Variants in TOM1L1 observed in about 807,000 individuals in gnomAD.
The protein encoded by TOM1L1 is TOM1-like protein 1.
A neutral mutation model predicts 63.4 loss-of-function variants in TOM1L1; 64 were observed. That is an observed-to-expected ratio of 1.01 (90% CI 0.83 to 1.24). TOM1L1 has a LOEUF of 1.24. Ranked by LOEUF, TOM1L1 falls within the 50% of genes most tolerant of loss-of-function variation. The pLI, the probability that TOM1L1 is intolerant of heterozygous loss-of-function variation, is 0.00. For missense variants in TOM1L1, 536 were observed against 567.0 expected (o/e 0.95, Z 0.55); for synonymous variants, 166 against 194.4 (o/e 0.85, Z 1.22).
chr17:54,960,476 C>G (rs974496987), intron 14 of TOM1L1, 90 bp from the exon 15 acceptor site: 1 of 933,430 alleles, frequency 1.1e-6, no homozygotes, highest in South Asian at 1.3e-5. Flanking sequence ...AAAACCAGCT[C>G]AATTTTTAAT....
intron 11 of TOM1L1, among the ~76,000 whole-genome samples, chr17:54,943,944 C>T (rs1048411652): frequency 1.3e-5 from 2 of 151,510 alleles, no homozygotes; most frequent in Admixed American, 6.6e-5. Flanking sequence ...AGCCACTGCA[C>T]TCCAGCCTGA....
At chr17:54,906,574 C>A (rs376603833) in intron 3 of TOM1L1, among the ~76,000 whole-genome samples, 46 of 152,156 alleles carry the variant, frequency 3.0e-4, no homozygotes, top group Admixed American at 9.2e-4. Flanking sequence ...AAGCTTTCTG[C>A]CTTACTTGAA....
intron 11 of TOM1L1, among the ~76,000 whole-genome samples, chr17:54,943,797 TG>T (rs2049071590): frequency 1.3e-5 from 2 of 151,636 alleles, no homozygotes; most frequent in Non-Finnish European, 2.9e-5. Context: ...GCTAATACGG[TG>T]AAACCCTGTC....
intron 2 of TOM1L1, among the ~76,000 whole-genome samples, chr17:54,904,463 C>A (rs907002305): frequency 1.8e-4 from 27 of 151,706 alleles, no homozygotes; most frequent in Admixed American, 6.6e-4. Flanking sequence ...ATGAAACCAT[C>A]AAATATTATC....
chr17:54,914,859 G>A (rs1037456737), intron 6 of TOM1L1, 116 bp downstream of exon 6: 1 of 828,124 alleles, frequency 1.2e-6, no homozygotes, highest in African/African-American at 1.7e-5. Flanking sequence ...TCATTTCACA[G>A]AGGAAGAGAC....
At chr17:54,943,215 A>G (rs750498049) in intron 11 of TOM1L1, among the ~76,000 whole-genome samples, 5 of 152,138 alleles carry the variant, frequency 3.3e-5, no homozygotes, top group Admixed American at 6.6e-5. Flanking sequence ...GAAATAGCCT[A>G]TAGTTGGTTC....
At chr17:54,914,594 C>T in intron 5 of TOM1L1, 45 bp from the exon 6 acceptor site, 1 of 1,519,494 alleles carries the variant, frequency 6.6e-7, no homozygotes, top group Non-Finnish European at 9.1e-7. Context: ...CGTTGGGTGG[C>T]TATGTTAATT....
chr17:54,928,839 T>C (rs1307468476), intron 7 of TOM1L1, among the ~76,000 whole-genome samples: 1 of 152,184 alleles, frequency 6.6e-6, no homozygotes, highest in Non-Finnish European at 1.5e-5. Flanking sequence ...TGTCATGTTG[T>C]CTTTTCAATA....
rs1001111366 is a variant in TOM1L1, at chr17:54,915,556, T to C, written c.604-190T>C. 9.2e-5 allele frequency among the ~76,000 whole-genome samples: 14 copies of C among 152,286 alleles called. No individual in the cohort carries two copies. The East Asian group carries it at 2.7e-3, about 29-fold the overall frequency. ...GTTTATTACAAGAGATCTCAAGTCC[T>C]TTTAGAAGGTGACAAGGTATACATT... On this transcript the variant is annotated intron_variant, in intron 6 of 15. Transcript: ENST00000575882.
At chr17:54,919,395 C>G (rs1309095362) in intron 7 of TOM1L1, among the ~76,000 whole-genome samples, 1 of 152,200 alleles carries the variant, frequency 6.6e-6, no homozygotes, top group Non-Finnish European at 1.5e-5. Context: ...CTCATATTCT[C>G]ATCCATCTGT....
chr17:54,921,218 G>A (rs1003587159), intron 7 of TOM1L1, among the ~76,000 whole-genome samples: 1 of 152,062 alleles, frequency 6.6e-6, no homozygotes, highest in African/African-American at 2.4e-5. Flanking sequence ...AGCCTTTGAG[G>A]ATTTCTCATG....
intron 8 of TOM1L1, among the ~76,000 whole-genome samples, chr17:54,931,675 C>T (rs1005117495): frequency 6.6e-6 from 1 of 152,002 alleles, no homozygotes; most frequent in Non-Finnish European, 1.5e-5. Context: ...TGGTGACACA[C>T]GCCTTTAGTC....
intron 14 of TOM1L1, chr17:54,957,267 T>A (rs17817877): frequency 0.21 from 31,229 of 152,198 alleles, 3,794 homozygotes; most frequent in Non-Finnish European, 0.27. Context: ...GAGCAGATGT[T>A]AAGGGACTTA....
At position 54,912,770 on chromosome 17, in the gene TOM1L1, C is replaced by T; in HGVS notation, c.327C>T (p.Tyr109=). 6.2e-7 allele frequency: 1 copy of T among 1,611,704 alleles called. No homozygotes were observed. Among genetic ancestry groups the T allele is most frequent in the Non-Finnish European group, 8.5e-7 (1 of 1,179,322 alleles). Residue 109 remains tyrosine, a synonymous_variant, in exon 4 of 16, where the codon TAC becomes TAT. Coordinates refer to ENST00000575882, the MANE Select transcript of TOM1L1 (RefSeq NM_005486.3). ...TAGTTAAGCTACTGAATCCCAGATA[C>T]AACTTGCCATTAGACATTCAGAATA... ...ENLVKLLNPR[Y]NLPLDIQNRI...
At chr17:54,956,120 A>G (rs538459681) in intron 14 of TOM1L1, among the ~76,000 whole-genome samples, 5 of 152,210 alleles carry the variant, frequency 3.3e-5, no homozygotes, top group Non-Finnish European at 5.9e-5. Flanking sequence ...TCATCTGGTA[A>G]TAGACAACTC....
chr17:54,919,951 C>A (rs1215149885), intron 7 of TOM1L1, among the ~76,000 whole-genome samples: 1 of 151,534 alleles, frequency 6.6e-6, no homozygotes, highest in Non-Finnish European at 1.5e-5. Context: ...ATAGAGAATT[C>A]TTTTTTTGGT....
At chr17:54,948,122 G>GCCACTTCTCACCACCT in intron 12 of TOM1L1, among the ~76,000 whole-genome samples, 1 of 152,128 alleles carries the variant, frequency 6.6e-6, no homozygotes, top group East Asian at 1.9e-4. Flanking sequence ...CAATTATTCA[G>GCCACTTCTCACCACCT]CCACTTCTCA....
chr17:54,910,488 A>G (rs1034459429), intron 3 of TOM1L1, among the ~76,000 whole-genome samples: 11 of 152,220 alleles, frequency 7.2e-5, no homozygotes, highest in African/African-American at 2.2e-4. Flanking sequence ...TGGTTTGCGA[A>G]TTATTTAGCA....
chr17:54,914,822 G>C (rs1211579188), intron 6 of TOM1L1, 79 bp downstream of exon 6: 4 of 1,163,496 alleles, frequency 3.4e-6, no homozygotes, highest in Admixed American at 1.7e-5. Flanking sequence ...GTCTTTTCTG[G>C]TTAACAACAT....
Sources: gnomAD v4.1 joint callset for allele counts (sites outside exome capture counted in the v4.1 genomes callset) on GRCh38, gnomAD v4.1.1 for gene constraint, MANE v1.5 for transcripts, NCBI Gene and HGNC (gene_info 2026-07-23, HGNC 2026-07-21) for gene names.